Variants in PTBP1 observed in about 807,000 individuals in gnomAD.
PTBP1 encodes the protein polypyrimidine tract binding protein 1, also known as polypyrimidine tract-binding protein 1.
A neutral mutation model predicts 59.8 loss-of-function variants in PTBP1; 8 were observed. The ratio of observed to expected loss-of-function variants is 0.13; its 90% confidence interval spans 0.08 to 0.24. The LOEUF (loss-of-function observed/expected upper bound fraction) is 0.24, where lower values mean the gene tolerates loss of function less well. Ranked by LOEUF, PTBP1 falls within the 10% of genes least tolerant of loss-of-function variation. PTBP1 has a pLI of 1.00. For synonymous variants in PTBP1, 490 were observed against 320.7 expected, an observed-to-expected ratio of 1.53 and a Z score of -5.64; for missense variants, 686 against 767.0, an observed-to-expected ratio of 0.89 and a Z score of 1.25.
At chr19:799,744 CTCT>C (rs2034248603) in intron 2 of PTBP1, among the ~76,000 whole-genome samples, 1 of 152,210 alleles carries the variant, frequency 6.6e-6, no homozygotes, top group Non-Finnish European at 1.5e-5. Context: ...GAACTTCTGC[CTCT>C]AGAGGCTGGA....
At chr19:798,982 C>G (rs1055372699) in intron 1 of PTBP1, among the ~76,000 whole-genome samples, 5 of 152,266 alleles carry the variant, frequency 3.3e-5, no homozygotes, top group Admixed American at 6.5e-5. Context: ...CCACCCCTAC[C>G]CGGGTGGAAG....
chr19:797,456 C>T lies in PTBP1; in HGVS notation c.-42C>T, dbSNP rs374355031. On this transcript the variant is annotated 5_prime_UTR_variant, in exon 1 of 15. Transcript: ENST00000356948. ...GCCGTTGGGTCGGTTCCTGCTATTC[C>T]GGCGCCTCCACTCCGTCCCCCGCGG... is the stretch of plus-strand genomic sequence containing the variant. 5.3e-5 allele frequency: 85 copies of T among 1,599,850 alleles called. No homozygotes were observed. The highest frequency in any genetic ancestry group is 1.8e-4 in the East Asian group (8 of 43,990).
chr19:806,449 G>T lies in PTBP1; in HGVS notation c.1012G>T (p.Ala338Ser). 1 of 1,601,146 alleles carries T rather than the reference G, an allele frequency of 6.2e-7. No homozygotes were observed. Residue 338 changes from alanine (A) to serine (S), a missense_variant, in exon 10 of 15, where the codon GCC becomes TCC. Coordinates refer to ENST00000356948, the MANE Select transcript of PTBP1 (RefSeq NM_002819.5). ...CGTCCACGGCGCCCTGGCCCCCCTG[G>T]CCATCCCCTCGGCGGCGGCGGCAGC... ...PNVHGALAPL[A>S]IPSAAAAAAA... is the part of the protein sequence containing the mutation.
intron 6 of PTBP1, 44 bp downstream of exon 6, chr19:804,746 C>T (rs750745080): frequency 9.9e-6 from 16 of 1,609,776 alleles, no homozygotes; most frequent in Middle Eastern, 3.3e-4. Context: ...GCTGCTATTG[C>T]TGTGGGCACA....
In PTBP1 at chr19:808,247, C is replaced by A; in HGVS notation, c.1154-113C>A. 1.1e-6 allele frequency: 1 copy of A among 927,304 alleles called. No individual in the cohort carries two copies. The highest frequency in any genetic ancestry group is 1.7e-6 in the Non-Finnish European group (1 of 595,624). 57.4% of individuals were successfully genotyped at this position (927,304 alleles called of 1,614,324 possible). A position where few individuals can be genotyped will look rare whatever the true frequency, so the allele number is the denominator to read the frequency against. The stretch of plus-strand genomic sequence containing the variant: ...CGCAGCTCCGCAGTGGCCGATAAAG[C>A]AAACCCGGCCGGGCTGAGCCGGGCC... On this transcript the variant is annotated intron_variant, in intron 11 of 14. Coordinates refer to ENST00000356948, the MANE Select transcript of PTBP1 (RefSeq NM_002819.5). This position sits in a 1 kb window ranked among gnomAD's most constrained non-coding sequence, Gnocchi z 4.7.
In PTBP1 at chr19:808,563, G is replaced by A. The variant is rs757338983; in HGVS notation, c.1264G>A (p.Gly422Arg). Residue 422 changes from glycine to arginine, a missense_variant, in exon 13 of 15, where the codon GGG becomes AGG. Gly to Arg is a moderately radical substitution (Grantham distance 125). Transcript: ENST00000356948. The surrounding 1 kb of genome is among the most constrained non-coding windows in gnomAD (Gnocchi z 4.7). ...QAQLAMSHLN[G>R]HKLHGKPIRI... ...TCCCCCAGCCATGAGCCACCTGAAC[G>A]GGCACAAGCTGCACGGGAAGCCCAT... is the stretch of plus-strand genomic sequence containing the variant. 2 of 1,597,094 alleles carry A rather than the reference G, an allele frequency of 1.3e-6. No individual in the cohort carries two copies.
rs1031804261 is a variant in PTBP1 at position 812,016 on chromosome 19, A to G, written c.*1190A>G. On this transcript the variant is annotated 3_prime_UTR_variant, in exon 15 of 15. Transcript: ENST00000356948. ...CCGTAAAAGCGTGTAACAAGGGTGT[A>G]AATATTTATAATTTTTTATACCTGT... 6.6e-6 allele frequency: 1 copy of G among 152,298 alleles called. No individual in the cohort carries two copies. Among genetic ancestry groups the G allele is most frequent in the Non-Finnish European group, 1.5e-5 (1 of 68,028 alleles). 9.4% of individuals were successfully genotyped at this position (152,298 alleles called of 1,614,324 possible).
chr19:804,045 A>G lies in PTBP1; in HGVS notation c.125A>G (p.Asn42Ser), dbSNP rs769915654. 3.1e-6 allele frequency: 5 copies of G among 1,614,018 alleles called. No individual in the cohort carries two copies. In the South Asian group the frequency reaches 5.5e-5, roughly 18 times the overall value. The change falls in exon 4 of 15, where the codon AAT becomes AGT. Residue 42 changes from asparagine to serine, a missense_variant. Coordinates refer to ENST00000356948, the MANE Select transcript of PTBP1 (RefSeq NM_002819.5). Reference protein sequence around the residue: ...SSNSASAANGNDSKKFKGDSR... With the variant: ...SSNSASAANGSDSKKFKGDSR... Reference sequence around the variant, plus strand: ...GGCACCCCCTTTTCAGCAAACGGAAATGACAGCAAGAAGTTCAAAGGTGAC... The same window carrying G: ...GGCACCCCCTTTTCAGCAAACGGAAGTGACAGCAAGAAGTTCAAAGGTGAC...
intron 10 of PTBP1, 35 bp downstream of exon 10, chr19:806,591 C>T: frequency 6.8e-7 from 1 of 1,466,342 alleles, no homozygotes; most frequent in Non-Finnish European, 9.0e-7. Flanking sequence ...GCCGTTCCTC[C>T]CGGAAGAGCG....
intron 13 of PTBP1, among the ~76,000 whole-genome samples, chr19:809,988 AC>A (rs1213693838): frequency 2.0e-5 from 3 of 152,124 alleles, no homozygotes; most frequent in Admixed American, 1.3e-4. Flanking sequence ...GATATTTAAC[AC>A]GTTACTTGTG....
At position 808,155 on chromosome 19, in the gene PTBP1, C is replaced by T; in HGVS notation, c.1154-205C>T. On this transcript the variant is annotated intron_variant, in intron 11 of 14. Transcript: ENST00000356948. This position sits in a 1 kb window ranked among gnomAD's most constrained non-coding sequence, Gnocchi z 4.7. Reference sequence around the variant, plus strand: ...ACCGTGGCCACCCGCTGGCAGCTTACCTGTCCTGGATGCTATGACTTTGCT... The same window carrying T: ...ACCGTGGCCACCCGCTGGCAGCTTATCTGTCCTGGATGCTATGACTTTGCT... The T allele has an allele frequency of 3.1e-6, 2 of 635,230 alleles. No homozygotes were observed. Among genetic ancestry groups the T allele is most frequent in the Admixed American group, 2.8e-5 (1 of 35,432 alleles). The allele number at this position is 635,230 out of a possible 1,614,324, so 39.3% of individuals were successfully genotyped here. A position where few individuals can be genotyped will look rare whatever the true frequency, so the allele number is the denominator to read the frequency against.
Position 808,167 on chromosome 19 carries a change from G to T in PTBP1, c.1154-193G>T. On this transcript the variant is annotated intron_variant, in intron 11 of 14. Transcript: ENST00000356948. The surrounding 1 kb of genome is among the most constrained non-coding windows in gnomAD (Gnocchi z 4.7). The stretch of plus-strand genomic sequence containing the variant: ...CGCTGGCAGCTTACCTGTCCTGGAT[G>T]CTATGACTTTGCTGAACGGAGCTGC... 2 of 640,196 alleles carry T rather than the reference G, an allele frequency of 3.1e-6. No homozygotes were observed. The highest frequency in any genetic ancestry group is 5.4e-5 in the East Asian group (2 of 36,728). 39.7% of individuals were successfully genotyped at this position (640,196 alleles called of 1,614,324 possible).
chr19:806,087 C>T (rs985307580), intron 9 of PTBP1: 1 of 303,370 alleles, frequency 3.3e-6, no homozygotes, highest in Non-Finnish European at 6.1e-6. Flanking sequence ...CGCGGTGGTC[C>T]CGGGACGGGC....
chr19:806,581 G>T, intron 10 of PTBP1, 25 bp downstream of exon 10: 1 of 1,474,212 alleles, frequency 6.8e-7, no homozygotes. Context: ...CCTCCGCGCC[G>T]CCGTTCCTCC....
At position 808,852 on chromosome 19, in the gene PTBP1, G is replaced by A. The variant is rs939350320; in HGVS notation, c.1463+90G>A. 62 of 1,266,864 alleles carry A rather than the reference G, an allele frequency of 4.9e-5. No individual in the cohort carries two copies. Among genetic ancestry groups the A allele is most frequent in the Non-Finnish European group, 5.6e-5 (50 of 894,686 alleles). 78.5% of individuals were successfully genotyped at this position (1,266,864 alleles called of 1,614,324 possible). A position where few individuals can be genotyped will look rare whatever the true frequency, so the allele number is the denominator to read the frequency against. On this transcript the variant is annotated intron_variant, in intron 13 of 14. Transcript: ENST00000356948. This position sits in a 1 kb window ranked among gnomAD's most constrained non-coding sequence, Gnocchi z 4.7. ...CCGCGTCGGTGTGTGGACTTCTGGC[G>A]TTTCCAGAGTGCAGGTCGGGCACCT... is the stretch of plus-strand genomic sequence containing the variant.
At chr19:799,691 G>T (rs1780366584) in intron 2 of PTBP1, among the ~76,000 whole-genome samples, 2 of 152,214 alleles carry the variant, frequency 1.3e-5, no homozygotes, top group Non-Finnish European at 2.9e-5. Flanking sequence ...TTCGGTTCTT[G>T]CTGTCAGCAG....
At chr19:801,319 G>C (rs913710661) in intron 2 of PTBP1, among the ~76,000 whole-genome samples, 5 of 152,236 alleles carry the variant, frequency 3.3e-5, no homozygotes, top group Non-Finnish European at 7.3e-5. Context: ...GAGCCTCCAG[G>C]TGTCCCTTCC....
In PTBP1 at chr19:811,287, G is replaced by C. The variant is rs2034855458; in HGVS notation, c.*461G>C. 1 of 152,962 alleles carries C rather than the reference G, an allele frequency of 6.5e-6. No homozygotes were observed. Among genetic ancestry groups the C allele is most frequent in the South Asian group, 2.1e-4 (1 of 4,870 alleles). 9.5% of individuals were successfully genotyped at this position (152,962 alleles called of 1,614,324 possible). ...TCCTGCAGGATCATGCAGCTGGGGC[G>C]CGGCGGCCGCGGCTGCGACACCCCA... On this transcript the variant is annotated 3_prime_UTR_variant, in exon 15 of 15. Coordinates refer to ENST00000356948, the MANE Select transcript of PTBP1 (RefSeq NM_002819.5).
rs1034674545 is a variant in PTBP1 at position 812,262 on chromosome 19, G to C, written c.*1436G>C. 6.5e-6 allele frequency: 1 copy of C among 153,068 alleles called. No individual in the cohort carries two copies. Among genetic ancestry groups the C allele is most frequent in the Non-Finnish European group, 1.5e-5 (1 of 68,728 alleles). The allele number at this position is 153,068 out of a possible 1,614,324, so 9.5% of individuals were successfully genotyped here. A position where few individuals can be genotyped will look rare whatever the true frequency, so the allele number is the denominator to read the frequency against. ...CTGTGTTCGCTGTGGACGCTGTAGA[G>C]GCAGGTTGGCCAGTCTGTACCTGGA... On this transcript the variant is annotated 3_prime_UTR_variant, in exon 15 of 15. Coordinates refer to ENST00000356948, the MANE Select transcript of PTBP1 (RefSeq NM_002819.5).
Sources: gnomAD v4.1 joint callset for allele counts (sites outside exome capture counted in the v4.1 genomes callset) on GRCh38, gnomAD v4.1.1 for gene constraint, Gnocchi (gnomAD v3.1) non-coding constraint, MANE v1.5 for transcripts, NCBI Gene and HGNC (gene_info 2026-07-23, HGNC 2026-07-21) for gene names.